ASB3: variants seen among roughly 807,000 people sequenced by gnomAD.
ASB3 encodes ankyrin repeat and SOCS box containing 3.
In ASB3, 41 loss-of-function variants were observed where a neutral mutation model predicts 54.5. The ratio of observed to expected loss-of-function variants is 0.75; its 90% confidence interval spans 0.59 to 0.98. The LOEUF is 0.98. Among genes scored for constraint, ASB3 ranks in the 50% least tolerant of loss-of-function variants. ASB3 has a pLI of 0.00. For synonymous variants in ASB3, 266 were observed against 221.2 expected, an observed-to-expected ratio of 1.20 and a Z score of -1.80; for missense variants, 733 against 620.0, an observed-to-expected ratio of 1.18 and a Z score of -1.94.
At chr2:53,770,858 A>C (rs974282440) in intron 1 of ASB3, among the ~76,000 whole-genome samples, 1 of 152,224 alleles carries the variant, frequency 6.6e-6, no homozygotes, top group African/African-American at 2.4e-5. Context: ...GGGCAAAGTA[A>C]AGTTCATTTA....
At position 53,714,507 on chromosome 2, in the gene ASB3, G is replaced by A; in HGVS notation, c.857C>T (p.Ser286Leu). 9.3e-6 allele frequency: 15 copies of A among 1,614,192 alleles called. No individual in the cohort carries two copies. Among genetic ancestry groups the A allele is most frequent in the Non-Finnish European group, 1.3e-5 (15 of 1,180,030 alleles). The change falls in exon 7 of 10, where the codon TCA becomes TTA. Residue 286 changes from serine (S) to leucine (L), a missense_variant. Physicochemically the swap from Ser to Leu is moderately radical, Grantham distance 145 (BLOSUM62 -2). Coordinates refer to ENST00000263634, the MANE Select transcript of ASB3 (RefSeq NM_016115.5). ...ATCTTCATGTCCCCCAAACACTGCT[G>A]AGTAAACAGGGCTTACTTTGTTTAG... ...TGLNKVSPVYSAVFGGHEDCL... is the reference protein window; with the variant it reads ...TGLNKVSPVYLAVFGGHEDCL...
chr2:53,783,371 CTGTATTTGGAAGAATCTATCTAAA>C lies in ASB3; in HGVS notation c.-14+3426_-14+3449del, dbSNP rs575059746. On this transcript the variant is annotated intron_variant, in intron 1 of 9. Coordinates refer to ENST00000263634, the MANE Select transcript of ASB3 (RefSeq NM_016115.5). ...TATTTTTTCTTTTTATATTTTTCCTCTGTATTTGGAAGAATCTATCTAAATGTATTTGGAAGAACCTATCTAAAT... is the reference window on the plus strand; with the variant it reads ...TATTTTTTCTTTTTATATTTTTCCTCTGTATTTGGAAGAACCTATCTAAAT... Among the ~76,000 whole-genome samples, 515 of 152,096 alleles carry C rather than the reference CTGTATTTGGAAGAATCTATCTAAA, an allele frequency of 3.4e-3. 4 individuals are homozygous for C. The highest frequency in any genetic ancestry group is 0.012 in the African/African-American group (494 of 41,498).
intron 9 of ASB3, among the ~76,000 whole-genome samples, chr2:53,673,119 C>T (rs1667905688): frequency 6.6e-6 from 1 of 152,104 alleles, no homozygotes; most frequent in South Asian, 2.1e-4. Context: ...TGGACATAGT[C>T]AGATGGAAAT....
chr2:53,713,705 G>C (rs1256079444), intron 7 of ASB3, among the ~76,000 whole-genome samples: 1 of 152,118 alleles, frequency 6.6e-6, no homozygotes. Context: ...TTGAGCCCAG[G>C]AGTTCAAGAC....
intron 8 of ASB3, among the ~76,000 whole-genome samples, chr2:53,695,649 T>C (rs367814060): frequency 6.7e-6 from 1 of 149,700 alleles, no homozygotes; most frequent in Non-Finnish European, 1.5e-5. Flanking sequence ...TTACCAACAC[T>C]GATAATGCCA....
intron 5 of ASB3, among the ~76,000 whole-genome samples, chr2:53,726,124 T>A (rs1045958828): frequency 7.9e-5 from 12 of 152,068 alleles, no homozygotes; most frequent in Admixed American, 5.9e-4. Context: ...CAACTGATTA[T>A]TCAAAACAAT....
intron 1 of ASB3, chr2:53,774,078 A>C (rs1432529445): frequency 6.8e-7 from 1 of 1,460,338 alleles, no homozygotes. Context: ...CTTAGATCAC[A>C]ACCTTTCTTC....
Position 53,706,734 on chromosome 2 carries a change from T to G in ASB3, c.981-6206A>C, listed in dbSNP as rs879454622. On this transcript the variant is annotated intron_variant, in intron 7 of 9. Transcript: ENST00000263634. ...TGCTGGGATTATAGGCATGAGCCAC[T>G]GCACCCAGCCAAAACGCAGTTTCTT... Among the ~76,000 whole-genome samples, 14 of 152,280 alleles carry G rather than the reference T, an allele frequency of 9.2e-5. No homozygotes were observed. In the East Asian group the frequency reaches 2.3e-3, roughly 25 times the overall value.
intron 9 of ASB3, among the ~76,000 whole-genome samples, chr2:53,677,386 C>T (rs1249024609): frequency 6.6e-6 from 1 of 152,140 alleles, no homozygotes; most frequent in Non-Finnish European, 1.5e-5. Flanking sequence ...ATTGCCTATT[C>T]TCTCACTGAA....
intron 5 of ASB3, among the ~76,000 whole-genome samples, chr2:53,725,282 T>C (rs1220841806): frequency 1.3e-5 from 2 of 152,098 alleles, no homozygotes; most frequent in African/African-American, 2.4e-5. Context: ...TGGGGACTAA[T>C]AGAGAGGGGA....
At chr2:53,696,961 C>A (rs1669215805) in intron 8 of ASB3, among the ~76,000 whole-genome samples, 1 of 152,110 alleles carries the variant, frequency 6.6e-6, no homozygotes, top group African/African-American at 2.4e-5. Context: ...AGGCTGAGAC[C>A]TATTGGGCTA....
At chr2:53,744,192 C>T (rs892026308) in intron 3 of ASB3, among the ~76,000 whole-genome samples, 14 of 150,758 alleles carry the variant, frequency 9.3e-5, no homozygotes, top group African/African-American at 2.7e-4. Flanking sequence ...CTGGCTAACA[C>T]GGTGAAACCT....
intron 9 of ASB3, among the ~76,000 whole-genome samples, chr2:53,679,806 G>C (rs1668269226): frequency 1.3e-5 from 2 of 152,030 alleles, no homozygotes; most frequent in African/African-American, 4.8e-5. Flanking sequence ...AGATAAACTT[G>C]TTTCATGGGG....
chr2:53,770,610 A>G (rs1255872990), intron 1 of ASB3, among the ~76,000 whole-genome samples: 2 of 152,120 alleles, frequency 1.3e-5, no homozygotes, highest in Non-Finnish European at 2.9e-5. Flanking sequence ...TTCCATTTAT[A>G]AGCAAAGACT....
At position 53,750,858 on chromosome 2, in the gene ASB3, T is replaced by C. The variant is rs778363197; in HGVS notation, c.280A>G (p.Ile94Val). Reference sequence around the variant, plus strand: ...CCAGCTTCTAAAAGAATCTGTACGATTTTCCAATGTCCTTGACTTGCAGCG... The same window carrying C: ...CCAGCTTCTAAAAGAATCTGTACGACTTTCCAATGTCCTTGACTTGCAGCG... ...HLAASQGHWK[I>V]VQILLEAGAD... Residue 94 changes from isoleucine (I) to valine (V), a missense_variant, in exon 3 of 10, where the codon ATC (isoleucine) becomes GTC (valine). Physicochemically the swap from Ile to Val is conservative, Grantham distance 29. Coordinates refer to ENST00000263634, the MANE Select transcript of ASB3 (RefSeq NM_016115.5). 2 of 1,603,426 alleles carry C rather than the reference T, an allele frequency of 1.2e-6. No homozygotes were observed. The highest frequency in any genetic ancestry group is 8.5e-7 in the Non-Finnish European group (1 of 1,174,808).
In ASB3 at chr2:53,692,451, A is replaced by T. The variant is rs146570977; in HGVS notation, c.1369+1433T>A. On this transcript the variant is annotated intron_variant, in intron 9 of 9. Coordinates refer to ENST00000263634, the MANE Select transcript of ASB3 (RefSeq NM_016115.5). The stretch of plus-strand genomic sequence containing the variant: ...CCATTAGCTACATTAGCTCAGAAAA[A>T]GCCTCTGAGAAAGGTTTTCTTGAAT... Among the ~76,000 whole-genome samples, 142 of 152,282 alleles carry T rather than the reference A, an allele frequency of 9.3e-4. 1 individual carries two copies. Among genetic ancestry groups the T allele is most frequent in the African/African-American group, 3.3e-3 (139 of 41,576 alleles).
At chr2:53,777,357 G>C (rs149468221) in intron 1 of ASB3, among the ~76,000 whole-genome samples, 36 of 152,214 alleles carry the variant, frequency 2.4e-4, no homozygotes, top group African/African-American at 8.7e-4. Context: ...TGCTTCTCTG[G>C]TGCATCAGAC....
intron 1 of ASB3, among the ~76,000 whole-genome samples, chr2:53,773,239 C>A (rs1211606518): frequency 6.6e-6 from 1 of 151,484 alleles, no homozygotes; most frequent in Non-Finnish European, 1.5e-5. Flanking sequence ...GTGAAAGGCT[C>A]ATATTTTTCA....
At chr2:53,746,293 T>C (rs1457536882) in intron 3 of ASB3, among the ~76,000 whole-genome samples, 1 of 151,732 alleles carries the variant, frequency 6.6e-6, no homozygotes, top group African/African-American at 2.4e-5. Context: ...AGACCCTACA[T>C]CAAAAAATAA....
Sources: gnomAD v4.1 joint callset for allele counts (sites outside exome capture counted in the v4.1 genomes callset) on GRCh38, gnomAD v4.1.1 for gene constraint, MANE v1.5 for transcripts, NCBI Gene and HGNC (gene_info 2026-07-23, HGNC 2026-07-21) for gene names.